The following METAP1 variants were observed in gnomAD, a reference collection of about 807,000 sequenced individuals.
METAP1 encodes methionine aminopeptidase 1.
METAP1 carries 28 observed loss-of-function variants against 53.8 expected under a neutral mutation model. The observed-to-expected ratio is 0.52, with a 90% CI of 0.39 to 0.71. The LOEUF is 0.71. METAP1 is among the 30% of genes least tolerant of loss of function. The probability of loss-of-function intolerance (pLI) is 0.00; values close to 1 mark genes in which losing one functional copy is unlikely to be tolerated. For missense variants in METAP1, 389 were observed against 479.8 expected (o/e 0.81, Z 1.77); for synonymous variants, 181 against 165.7 (o/e 1.09, Z -0.71).
intron 5 of METAP1, among the ~76,000 whole-genome samples, chr4:99,039,755 G>GACACACA (rs1725713887): frequency 6.6e-6 from 1 of 152,002 alleles, no homozygotes; most frequent in Non-Finnish European, 1.5e-5. Flanking sequence ...CACCACACCT[G>GACACACA]GCTAATTTTT....
At chr4:98,996,092 C>G (rs906860010) in intron 1 of METAP1, among the ~76,000 whole-genome samples, 83 of 152,150 alleles carry the variant, frequency 5.5e-4, no homozygotes, top group Non-Finnish European at 2.4e-4. Context: ...GGGGGCGCCA[C>G]CCGCCGCGGC....
intron 2 of METAP1, among the ~76,000 whole-genome samples, chr4:99,030,998 A>G (rs1287940486): frequency 6.6e-6 from 1 of 151,842 alleles, no homozygotes; most frequent in African/African-American, 2.4e-5. Flanking sequence ...AGAATTCACC[A>G]CTGAAACATC....
At chr4:98,996,034 C>T (rs930805333) in intron 1 of METAP1, among the ~76,000 whole-genome samples, 167 bp downstream of exon 1, 3 of 152,160 alleles carry the variant, frequency 2.0e-5, no homozygotes, top group African/African-American at 7.2e-5. Flanking sequence ...CCTCCTGCCT[C>T]CTGGGGTCCC....
chr4:99,004,718 C>T (rs1723099451), intron 1 of METAP1, among the ~76,000 whole-genome samples: 1 of 152,090 alleles, frequency 6.6e-6, no homozygotes, highest in Non-Finnish European at 1.5e-5. Context: ...TGTTTGATTT[C>T]TTAAAAAATG....
At chr4:99,009,469 C>G (rs191894410) in intron 1 of METAP1, among the ~76,000 whole-genome samples, 123 of 152,232 alleles carry the variant, frequency 8.1e-4, no homozygotes, top group Non-Finnish European at 1.5e-3. Context: ...TTGGATTGTT[C>G]TACAATTCCA....
intron 7 of METAP1, among the ~76,000 whole-genome samples, chr4:99,043,779 G>A (rs987502494): frequency 5.9e-5 from 9 of 152,130 alleles, no homozygotes. Flanking sequence ...CTAAAGGAAA[G>A]CTGAAAATCT....
intron 1 of METAP1, chr4:99,022,701 G>T: frequency 6.8e-7 from 1 of 1,468,744 alleles, no homozygotes. Context: ...AAGTACTTGA[G>T]ATTCCATAGG....
intron 4 of METAP1, among the ~76,000 whole-genome samples, chr4:99,038,128 A>G (rs1725566275): frequency 6.6e-6 from 1 of 151,998 alleles, no homozygotes; most frequent in Non-Finnish European, 1.5e-5. Context: ...TGATTTTGAT[A>G]AATTTATCTT....
At chr4:99,039,318 AT>A in intron 4 of METAP1, 55 bp from the exon 5 acceptor site, 1 of 1,037,134 alleles carries the variant, frequency 9.6e-7, no homozygotes, top group Admixed American at 1.8e-5. Flanking sequence ...AATTATGCAA[AT>A]AAATACTACA....
At position 99,022,985 on chromosome 4, in the gene METAP1, G is replaced by T. The variant is rs372597709; in HGVS notation, c.115-5882G>T. 2.4e-5 allele frequency: 36 copies of T among 1,475,948 alleles called. No individual in the cohort carries two copies. The African/African-American group carries it at 4.6e-4, about 19-fold the overall frequency. 91.4% of individuals were successfully genotyped at this position (1,475,948 alleles called of 1,614,324 possible). A position where few individuals can be genotyped will look rare whatever the true frequency, so the allele number is the denominator to read the frequency against. On this transcript the variant is annotated intron_variant, in intron 1 of 10. Coordinates refer to ENST00000296411, the MANE Select transcript of METAP1 (RefSeq NM_015143.3). ...TGGAAGTGTGGTGGGATATGGCCCA[G>T]GTACACAATACCTGGCACTACCCGC... is the stretch of plus-strand genomic sequence containing the variant.
chr4:99,040,989 A>C, intron 5 of METAP1, 54 bp from the exon 6 acceptor site: 1 of 1,236,814 alleles, frequency 8.1e-7, no homozygotes, highest in Non-Finnish European at 1.2e-6. Flanking sequence ...TAGAAAGGGT[A>C]TAGATTTCTG....
chr4:99,012,421 C>T (rs1723523978), intron 1 of METAP1, among the ~76,000 whole-genome samples: 1 of 151,628 alleles, frequency 6.6e-6, no homozygotes, highest in Non-Finnish European at 1.5e-5. Flanking sequence ...CTTACAGGTG[C>T]CTGCCACCAC....
At chr4:99,009,976 C>T (rs929561979) in intron 1 of METAP1, among the ~76,000 whole-genome samples, 3 of 152,170 alleles carry the variant, frequency 2.0e-5, no homozygotes, top group Non-Finnish European at 4.4e-5. Context: ...TTCCCCATTT[C>T]CCTTATGTTT....
At position 99,039,457 on chromosome 4, in the gene METAP1, G is replaced by A; in HGVS notation, c.424G>A (p.Val142Ile). 1 of 1,595,464 alleles carries A rather than the reference G, an allele frequency of 6.3e-7. No individual in the cohort carries two copies. ...SSEDIEGMRLVCRLAREVLDV... is the reference protein window; with the variant it reads ...SSEDIEGMRLICRLAREVLDV... ...TGAAGATATAGAAGGGATGCGACTT[G>A]TATGTAGGGTAAGAGTGATTTTTTC... The change falls in exon 5 of 11, where the codon GTA becomes ATA. Residue 142 changes from valine to isoleucine, a missense_variant. Physicochemically the swap from Val to Ile is conservative, Grantham distance 29. Transcript: ENST00000296411.
intron 4 of METAP1, 108 bp downstream of exon 4, chr4:99,035,568 A>G (rs1725368183): frequency 2.5e-6 from 2 of 785,800 alleles, no homozygotes; most frequent in East Asian, 2.7e-5. Flanking sequence ...TGGACTTCTA[A>G]TAAATGTGTT....
chr4:99,002,342 A>T (rs62323241), intron 1 of METAP1, among the ~76,000 whole-genome samples: 3,343 of 152,344 alleles, frequency 0.022, 47 homozygotes, highest in Non-Finnish European at 0.035. Context: ...TTCATTCTGT[A>T]TCAAATGTTT....
intron 1 of METAP1, among the ~76,000 whole-genome samples, chr4:99,003,377 T>C (rs1013054485): frequency 6.6e-6 from 1 of 152,244 alleles, no homozygotes; most frequent in Non-Finnish European, 1.5e-5. Flanking sequence ...GTTACAGGCT[T>C]AGTCGTTCAA....
intron 9 of METAP1, among the ~76,000 whole-genome samples, chr4:99,049,775 G>A (rs995852720): frequency 6.6e-5 from 10 of 152,138 alleles, no homozygotes; most frequent in African/African-American, 2.2e-4. Flanking sequence ...GGTACTTACT[G>A]TAGAATTGTT....
intron 9 of METAP1, among the ~76,000 whole-genome samples, 161 bp downstream of exon 9, chr4:99,049,037 C>T (rs1479626072): frequency 1.3e-5 from 2 of 152,180 alleles, no homozygotes; most frequent in East Asian, 1.9e-4. Context: ...AGTGCAAGTT[C>T]GTATCTTACT....
Sources: gnomAD v4.1 joint callset for allele counts (sites outside exome capture counted in the v4.1 genomes callset) on GRCh38, gnomAD v4.1.1 for gene constraint, MANE v1.5 for transcripts, NCBI Gene and HGNC (gene_info 2026-07-23, HGNC 2026-07-21) for gene names.